Variants in ARID4A observed in about 807,000 individuals in gnomAD.
The protein encoded by ARID4A is AT-rich interactive domain-containing protein 4A.
ARID4A carries 39 observed loss-of-function variants against 148.6 expected under a neutral mutation model. The ratio of observed to expected loss-of-function variants is 0.26; its 90% CI spans 0.20 to 0.34. The LOEUF is 0.34. ARID4A is among the 10% of genes least tolerant of loss of function. ARID4A has a pLI of 1.00. For missense variants in ARID4A, 1,265 were observed against 1,449.1 expected (o/e 0.87, Z 2.06); for synonymous variants, 475 against 481.2 (o/e 0.99, Z 0.17).
rs1410496454 is a variant in ARID4A at position 58,364,171 on chromosome 14, C to G, written c.2082C>G (p.Asp694Glu). ...ATATAATAATATTTCCTCTTACAGACTCTTGTTCATCTGATAGTGAAACAG... is the reference window on the plus strand; with the variant it reads ...ATATAATAATATTTCCTCTTACAGAGTCTTGTTCATCTGATAGTGAAACAG... ...SKTANSEGKS[D>E]SCSSDSETED... The change falls in exon 20 of 24, where the codon GAC becomes GAG. Residue 694 changes from aspartate (D) to glutamate (E), a missense_variant and splice_region_variant. This residue lies in a region of ARID4A where 666 missense variants were observed against 730.9 expected (regional missense o/e 0.91). Coordinates refer to ENST00000355431, the MANE Select transcript of ARID4A (RefSeq NM_002892.4). The G allele has an allele frequency of 7.4e-6, 10 of 1,355,716 alleles. No individual in the cohort carries two copies. In the Admixed American group the frequency reaches 1.4e-4, roughly 18 times the overall value. The allele number at this position is 1,355,716 out of a possible 1,614,324, so 84.0% of individuals were successfully genotyped here.
At position 58,306,070 on chromosome 14, in the gene ARID4A, G is replaced by C; in HGVS notation, c.232G>C (p.Ala78Pro). ...TRTSDGSFQE[A>P]IISKLTDASW... ...GACATCTGATGGATCTTTTCAGGAA[G>C]CTATTATCAGCAAGTTGACAGATGC... Residue 78 changes from alanine (A) to proline (P), a missense_variant, in exon 5 of 24, where the codon GCT becomes CCT. Transcript: ENST00000355431. The C allele has an allele frequency of 6.2e-7, 1 of 1,613,708 alleles. No individual in the cohort carries two copies. The highest frequency in any genetic ancestry group is 8.5e-7 in the Non-Finnish European group (1 of 1,179,760).
intron 3 of ARID4A, chr14:58,303,842 C>T (rs544656932): frequency 1.3e-4 from 24 of 186,596 alleles, no homozygotes; most frequent in African/African-American, 4.4e-4. Context: ...AGGTTGGGCA[C>T]GGTGGGTCAT....
rs1594966566 is a variant in ARID4A, at chr14:58,364,782, T to C, written c.2693T>C (p.Leu898Ser). The change falls in exon 20 of 24, where the codon TTA becomes TCA. Residue 898 changes from leucine (L) to serine (S), a missense_variant. Physicochemically the swap from Leu to Ser is moderately radical, Grantham distance 145 (BLOSUM62 -2). Transcript: ENST00000355431. ...DCIGSEGMKNLNFEQHFEREN... is the reference protein window; with the variant it reads ...DCIGSEGMKNSNFEQHFEREN... Reference sequence around the variant, plus strand: ...ATTGGATCTGAGGGAATGAAAAACTTAAATTTTGAACAGCACTTTGAAAGA... The same window carrying C: ...ATTGGATCTGAGGGAATGAAAAACTCAAATTTTGAACAGCACTTTGAAAGA... The C allele has an allele frequency of 6.2e-7, 1 of 1,614,116 alleles. No homozygotes were observed. The highest frequency in any genetic ancestry group is 1.3e-5 in the African/African-American group (1 of 75,042).
chr14:58,343,005 A>C (rs2034187605), intron 11 of ARID4A, among the ~76,000 whole-genome samples: 1 of 152,160 alleles, frequency 6.6e-6, no homozygotes, highest in African/African-American at 2.4e-5. Context: ...GTCTGGCATA[A>C]GTGGTTTTTG....
At position 58,318,586 on chromosome 14, in the gene ARID4A, T is replaced by C; in HGVS notation, c.319T>C (p.Cys107Arg). 1 of 1,614,238 alleles carries C rather than the reference T, an allele frequency of 6.2e-7. No individual in the cohort carries two copies. The highest frequency in any genetic ancestry group is 8.5e-7 in the Non-Finnish European group (1 of 1,180,036). The change falls in exon 6 of 24, where the codon TGT (cysteine) becomes CGT (arginine). Residue 107 changes from cysteine (C) to arginine (R), a missense_variant. Around this residue, in one of 9 missense-constraint regions of ARID4A, gnomAD observed 21 missense variants for 36.5 expected, o/e 0.58. Transcript: ENST00000355431. Reference sequence around the variant, plus strand: ...GCGAACATTGAGACGTACCTCACTTTGTCTGAAAGGAGAGAGACATTTTGC... The same window carrying C: ...GCGAACATTGAGACGTACCTCACTTCGTCTGAAAGGAGAGAGACATTTTGC... The part of the protein sequence containing the change: ...DERTLRRTSL[C>R]LKGERHFAES...
intron 21 of ARID4A, 77 bp downstream of exon 21, chr14:58,365,699 G>A: frequency 1.6e-6 from 2 of 1,224,530 alleles, no homozygotes; most frequent in Middle Eastern, 3.8e-4. Context: ...AAACATAAAT[G>A]GAGCAATACT....
At chr14:58,324,521 T>A (rs2033109982) in intron 8 of ARID4A, among the ~76,000 whole-genome samples, 1 of 152,212 alleles carries the variant, frequency 6.6e-6, no homozygotes. Context: ...GCTCAAGCAA[T>A]CTTCTCACTT....
In ARID4A at chr14:58,359,180, A is replaced by G; in HGVS notation, c.1902A>G (p.Lys634=). Reference sequence around the variant, plus strand: ...ACAGGATAATCTGGCCTTTGGACAAAGGTGGACCAAAGAAAAAACAGAAGA... The same window carrying G: ...ACAGGATAATCTGGCCTTTGGACAAGGGTGGACCAAAGAAAAAACAGAAGA... The part of the protein sequence containing the change: ...KADRIIWPLD[K]GGPKKKQKKK... Residue 634 remains lysine (K), a synonymous_variant, in exon 18 of 24, where the codon AAA becomes AAG. Coordinates refer to ENST00000355431, the MANE Select transcript of ARID4A (RefSeq NM_002892.4). 1 of 1,600,688 alleles carries G rather than the reference A, an allele frequency of 6.2e-7. No individual in the cohort carries two copies. Among genetic ancestry groups the G allele is most frequent in the East Asian group, 2.2e-5 (1 of 44,692 alleles).
At position 58,364,231 on chromosome 14, in the gene ARID4A, A is replaced by G; in HGVS notation, c.2142A>G (p.Glu714=). The change falls in exon 20 of 24, where the codon GAA becomes GAG. Residue 714 remains glutamate (E), a synonymous_variant. Coordinates refer to ENST00000355431, the MANE Select transcript of ARID4A (RefSeq NM_002892.4). ...DALEKNLINE[E]LSLKDELEKN... ...TAGAAAAGAATTTAATAAATGAAGA[A>G]CTTTCTCTTAAAGATGAACTAGAAA... 6.6e-7 allele frequency: 1 copy of G among 1,511,750 alleles called. No individual in the cohort carries two copies. Among genetic ancestry groups the G allele is most frequent in the Non-Finnish European group, 8.8e-7 (1 of 1,134,276 alleles). The allele number at this position is 1,511,750 out of a possible 1,614,324, so 93.6% of individuals were successfully genotyped here. A position where few individuals can be genotyped will look rare whatever the true frequency, so the allele number is the denominator to read the frequency against.
chr14:58,318,020 CAAAAG>C (rs2032585404), intron 5 of ARID4A, among the ~76,000 whole-genome samples: 1 of 150,970 alleles, frequency 6.6e-6, no homozygotes, highest in Non-Finnish European at 1.5e-5. Context: ...CCTTTTCTAA[CAAAAG>C]AAAGAACTTG....
intron 2 of ARID4A, 23 bp downstream of exon 2, chr14:58,299,883 C>T: frequency 6.2e-7 from 1 of 1,614,172 alleles, no homozygotes; most frequent in Non-Finnish European, 8.5e-7. Flanking sequence ...AACTCTGCCC[C>T]GATCCTCGCG....
chr14:58,300,041 T>C (rs1241095370), intron 2 of ARID4A, among the ~76,000 whole-genome samples, 181 bp downstream of exon 2: 6 of 152,222 alleles, frequency 3.9e-5, no homozygotes, highest in Admixed American at 3.3e-4. Flanking sequence ...ATGCGGAGTT[T>C]AGGCCCTCTC....
chr14:58,341,837 C>G (rs981211458), intron 11 of ARID4A, among the ~76,000 whole-genome samples: 3 of 152,168 alleles, frequency 2.0e-5, no homozygotes, highest in Admixed American at 6.5e-5. Flanking sequence ...TGGCATTTTA[C>G]TGGGTGCATA....
Position 58,321,732 on chromosome 14 carries a change from G to A in ARID4A, c.450-1753G>A, listed in dbSNP as rs552477866. Among the ~76,000 whole-genome samples, 33 of 151,890 alleles carry A rather than the reference G, an allele frequency of 2.2e-4. No individual in the cohort carries two copies. The South Asian group carries it at 4.4e-3, about 20-fold the overall frequency. On this transcript the variant is annotated intron_variant, in intron 7 of 23. Coordinates refer to ENST00000355431, the MANE Select transcript of ARID4A (RefSeq NM_002892.4). ...CCAGAAAATAATAAAAGACCTCCGA[G>A]GACCCTAAATGGAAATCCCAACTCA...
At chr14:58,309,349 A>C in intron 5 of ARID4A, among the ~76,000 whole-genome samples, 1 of 152,186 alleles carries the variant, frequency 6.6e-6, no homozygotes, top group East Asian at 1.9e-4. Flanking sequence ...TTTTTGAGCA[A>C]TAGAAATATT....
At chr14:58,326,528 G>A (rs985777460) in intron 8 of ARID4A, among the ~76,000 whole-genome samples, 1 of 152,222 alleles carries the variant, frequency 6.6e-6, no homozygotes, top group Admixed American at 6.5e-5. Flanking sequence ...GGGAATAATA[G>A]GAAATATAGC....
At chr14:58,355,887 T>G (rs1187234820) in intron 17 of ARID4A, among the ~76,000 whole-genome samples, 1 of 152,240 alleles carries the variant, frequency 6.6e-6, no homozygotes, top group Non-Finnish European at 1.5e-5. Context: ...TGTTTTACTT[T>G]ATGACTCTTC....
At position 58,347,853 on chromosome 14, in the gene ARID4A, A is replaced by G; in HGVS notation, c.1379A>G (p.Glu460Gly). The change falls in exon 15 of 24, where the codon GAA becomes GGA. Residue 460 changes from glutamate to glycine, a missense_variant. Coordinates refer to ENST00000355431, the MANE Select transcript of ARID4A (RefSeq NM_002892.4). ...GATTCAAACAGTGAAAGTGAAAGAG[A>G]AGAGATAGAATTAAAATCTCCGAGG... is the stretch of plus-strand genomic sequence containing the variant. ...NIDSNSESER[E>G]EIELKSPRGR... The G allele has an allele frequency of 6.2e-7, 1 of 1,612,056 alleles. No homozygotes were observed. The highest frequency in any genetic ancestry group is 1.1e-5 in the South Asian group (1 of 90,816).
chr14:58,359,297 A>C, intron 18 of ARID4A, 81 bp downstream of exon 18: 1 of 1,380,214 alleles, frequency 7.2e-7, no homozygotes, highest in Non-Finnish European at 9.8e-7. Context: ...GACTTTAAGA[A>C]CAGTTTTAGG....
Sources: allele counts gnomAD v4.1 joint callset (sites outside exome capture counted in the v4.1 genomes callset), GRCh38; gene constraint gnomAD v4.1.1; regional missense constraint gnomAD v4.1.1; transcripts MANE v1.5; gene names NCBI Gene and HGNC (gene_info 2026-07-23, HGNC 2026-07-21).